The following COL4A6 variants were observed in gnomAD, a reference collection of about 807,000 sequenced individuals.
The protein encoded by COL4A6 is collagen type IV alpha 6 chain.
COL4A6 carries 59 observed loss-of-function variants against 126.7 expected under a neutral mutation model. That is an observed-to-expected ratio of 0.47 (90% CI 0.38 to 0.58). The LOEUF (loss-of-function observed/expected upper bound fraction) is 0.58. Ranked by LOEUF, COL4A6 falls within the 20% of genes least tolerant of loss-of-function variation. The probability of loss-of-function intolerance (pLI) is 0.00; values close to 1 mark genes in which losing one functional copy is unlikely to be tolerated. For missense variants in COL4A6, 1,285 were observed against 1,337.3 expected (o/e 0.96, Z 0.61); for synonymous variants, 547 against 496.6 (o/e 1.10, Z -1.35).
rs142323935 is a variant in COL4A6 at position 108,367,039 on chromosome X, C to G, written c.64-56211G>C. 9.8e-5 allele frequency among the ~76,000 whole-genome samples: 11 copies of G among 112,273 alleles called. No homozygotes were observed. The East Asian group carries it at 3.1e-3, about 31-fold the overall frequency. ...ACTTAATTTGAAGCTCTACGGAACTCAGATCATGAAACAAGTGTTAGAAAT... is the reference window on the plus strand; with the variant it reads ...ACTTAATTTGAAGCTCTACGGAACTGAGATCATGAAACAAGTGTTAGAAAT... On this transcript the variant is annotated intron_variant, in intron 2 of 44. Coordinates refer to ENST00000334504, the MANE Select transcript of COL4A6 (RefSeq NM_033641.4).
chrX:108,359,378 C>CCAA (rs2040031567), intron 2 of COL4A6, among the ~76,000 whole-genome samples: 7 of 112,627 alleles, frequency 6.2e-5, no homozygotes, highest in Middle Eastern at 4.2e-3. Context: ...TTTAATCATT[C>CCAA]TGCTAATATT....
At chrX:108,240,829 G>A (rs2036552594) in intron 3 of COL4A6, among the ~76,000 whole-genome samples, 1 of 112,236 alleles carries the variant, frequency 8.9e-6, no homozygotes, top group African/African-American at 3.2e-5. Flanking sequence ...GGAAACAGAG[G>A]GGAGAGGAAA....
intron 28 of COL4A6, 68 bp from the exon 29 acceptor site, chrX:108,175,865 G>T (rs1160500519): frequency 1.0e-6 from 1 of 963,954 alleles, no homozygotes. Flanking sequence ...GCTCAGGGAG[G>T]TTGAGTAACT....
chrX:108,211,883 G>T, intron 6 of COL4A6, 143 bp from the exon 7 acceptor site: 1 of 493,183 alleles, frequency 2.0e-6, no homozygotes, highest in East Asian at 3.7e-5. Context: ...GTACTAAGGG[G>T]CAAAACACAT....
At chrX:108,385,688 A>G (rs777297505) in intron 2 of COL4A6, among the ~76,000 whole-genome samples, 19 of 111,837 alleles carry the variant, frequency 1.7e-4, no homozygotes, top group African/African-American at 5.8e-4. Flanking sequence ...ACATAAACCC[A>G]TACATCTTGG....
intron 2 of COL4A6, among the ~76,000 whole-genome samples, chrX:108,320,608 T>C (rs1184615749): frequency 9.0e-6 from 1 of 111,487 alleles, no homozygotes; most frequent in Non-Finnish European, 1.9e-5. Flanking sequence ...GGATTGTGAC[T>C]ATGTCTCAGA....
intron 3 of COL4A6, among the ~76,000 whole-genome samples, chrX:108,250,153 CTA>C (rs956028791): frequency 3.6e-5 from 4 of 111,260 alleles, no homozygotes; most frequent in African/African-American, 9.8e-5. Context: ...AGTTGGGAAA[CTA>C]TAAATTTCTA....
chrX:108,214,313 T>C (rs1006263275), intron 5 of COL4A6, 85 bp from the exon 6 acceptor site: 3 of 664,228 alleles, frequency 4.5e-6, no homozygotes, highest in East Asian at 3.3e-5. Flanking sequence ...AAGCCAAGCA[T>C]GCTATTAAAC....
At chrX:108,323,823 T>C (rs1428659508) in intron 2 of COL4A6, among the ~76,000 whole-genome samples, 1 of 112,336 alleles carries the variant, frequency 8.9e-6, no homozygotes, top group African/African-American at 3.2e-5. Flanking sequence ...TTTTGACTAC[T>C]TTAGAGAAAC....
intron 3 of COL4A6, among the ~76,000 whole-genome samples, chrX:108,260,431 A>G (rs1165765054): frequency 9.0e-6 from 1 of 111,595 alleles, no homozygotes; most frequent in Non-Finnish European, 1.9e-5. Context: ...GTGCTGTGGG[A>G]GGGACCCAGT....
chrX:108,436,798 A>G (rs1020677062), intron 2 of COL4A6, among the ~76,000 whole-genome samples: 3 of 111,557 alleles, frequency 2.7e-5, no homozygotes, highest in Non-Finnish European at 5.7e-5. Flanking sequence ...AAATAGCTTC[A>G]CTCTGGTATT....
intron 3 of COL4A6, among the ~76,000 whole-genome samples, chrX:108,258,639 G>A (rs2037071859): frequency 8.9e-6 from 1 of 111,921 alleles, no homozygotes; most frequent in African/African-American, 3.2e-5. Context: ...AGCAGCAGGG[G>A]AAACCTTAGG....
At chrX:108,364,703 C>T (rs376202526) in intron 2 of COL4A6, among the ~76,000 whole-genome samples, 11 of 111,675 alleles carry the variant, frequency 9.9e-5, no homozygotes, top group African/African-American at 2.3e-4. Flanking sequence ...TTGTTTCACT[C>T]GGGATAATGG....
At chrX:108,418,260 T>C (rs1466806800) in intron 2 of COL4A6, among the ~76,000 whole-genome samples, 2 of 112,399 alleles carry the variant, frequency 1.8e-5, no homozygotes, top group African/African-American at 6.5e-5. Context: ...CTTTGGATAT[T>C]ATTTTCAAGT....
chrX:108,161,709 C>T lies in COL4A6; in HGVS notation c.4243G>A (p.Gly1415Ser), dbSNP rs750744219. Residue 1415 changes from glycine to serine, a missense_variant, in exon 42 of 45, where the codon GGT (glycine) becomes AGT (serine). Physicochemically the swap from Gly to Ser is moderately conservative, Grantham distance 56. Coordinates refer to ENST00000334504, the MANE Select transcript of COL4A6 (RefSeq NM_033641.4). ...QGSKGLPGIP[G>S]KDGPSGLPGP... ...GGGAGCCCACTGGGGCCATCTTTAC[C>T]GGGGATGCCAGGTAAACCTTTGGAG... 2.9e-5 allele frequency: 35 copies of T among 1,201,915 alleles called. No individual in the cohort carries two copies. The highest frequency in any genetic ancestry group is 5.3e-5 in the African/African-American group (3 of 56,527).
chrX:108,388,189 T>C lies in COL4A6; in HGVS notation c.63+49753A>G, dbSNP rs776566267. 2.7e-5 allele frequency among the ~76,000 whole-genome samples: 3 copies of C among 111,894 alleles called. No homozygotes were observed. In the East Asian group the frequency reaches 8.4e-4, roughly 31 times the overall value. The stretch of plus-strand genomic sequence containing the variant: ...GCCCTAAAATTTTCTTTTTTTGTTG[T>C]GTCTCCGCCAGGTTTTGGTATCAGG... On this transcript the variant is annotated intron_variant, in intron 2 of 44. Transcript: ENST00000334504.
intron 43 of COL4A6, 36 bp downstream of exon 43, chrX:108,160,427 A>G (rs778996548): frequency 8.7e-7 from 1 of 1,151,131 alleles, no homozygotes; most frequent in Non-Finnish European, 1.2e-6. Flanking sequence ...TTGTGGGGAC[A>G]GGTGACCAGG....
chrX:108,165,262 C>G, intron 38 of COL4A6, 108 bp downstream of exon 38: 1 of 787,111 alleles, frequency 1.3e-6, no homozygotes, highest in Admixed American at 2.2e-5. Flanking sequence ...AAGCCAAACA[C>G]GCCCACATAT....
At position 108,176,815 on chromosome X, in the gene COL4A6, GTCACTTCACTGA is replaced by G; in HGVS notation, c.2686+14_2686+25del. 1 of 1,180,757 alleles carries G rather than the reference GTCACTTCACTGA, an allele frequency of 8.5e-7. No homozygotes were observed. The highest frequency in any genetic ancestry group is 1.9e-5 in the South Asian group (1 of 51,906). ...AAATGCTCCTTTTTGGCAACCACTG[GTCACTTCACTGA>G]TCACTTCACTTACCCTTGGGTCCAG... On this transcript the variant is annotated intron_variant, in intron 28 of 44. Coordinates refer to ENST00000334504, the MANE Select transcript of COL4A6 (RefSeq NM_033641.4).
Sources: gnomAD v4.1 joint callset for allele counts (sites outside exome capture counted in the v4.1 genomes callset) on GRCh38, gnomAD v4.1.1 for gene constraint, MANE v1.5 for transcripts, NCBI Gene and HGNC (gene_info 2026-07-23, HGNC 2026-07-21) for gene names.